LIG1: variants seen among roughly 807,000 people sequenced by gnomAD.
LIG1 encodes ligase I, DNA, ATP-dependent.
In LIG1, 70 loss-of-function variants were observed where a neutral mutation model predicts 115.7. The ratio of observed to expected loss-of-function variants is 0.60; its 90% CI spans 0.50 to 0.74. LIG1 has a LOEUF of 0.74. LIG1 is among the 30% of genes least tolerant of loss of function. The pLI is 0.00. For missense variants in LIG1, 1,115 were observed against 1,225.6 expected, an observed-to-expected ratio of 0.91 and a Z score of 1.35; for synonymous variants, 487 against 495.3, an observed-to-expected ratio of 0.98 and a Z score of 0.22.
chr19:48,117,893 A>G (rs2032976088), intron 25 of LIG1, 112 bp from the exon 26 acceptor site: 1 of 1,089,594 alleles, frequency 9.2e-7, no homozygotes, highest in South Asian at 1.3e-5. Context: ...ACCCCCTTGA[A>G]GTAAACAGAA....
At chr19:48,130,827 G>A (rs902415212) in intron 19 of LIG1, among the ~76,000 whole-genome samples, 7 of 152,240 alleles carry the variant, frequency 4.6e-5, no homozygotes, top group African/African-American at 9.6e-5. Context: ...TAGAGGTAGC[G>A]ATAAGCTTGG....
At chr19:48,127,850 G>C (rs757356578) in intron 20 of LIG1, 60 bp downstream of exon 20, 16 of 1,384,736 alleles carry the variant, frequency 1.2e-5, no homozygotes, top group Non-Finnish European at 1.4e-5. Flanking sequence ...CCACAGCCAG[G>C]ACTGGGTGGA....
At chr19:48,169,194 G>A (rs1162620466) in intron 1 of LIG1, among the ~76,000 whole-genome samples, 1 of 152,152 alleles carries the variant, frequency 6.6e-6, no homozygotes, top group African/African-American at 2.4e-5. Context: ...CGGTTGCCAG[G>A]GGCCTGGGGA....
intron 11 of LIG1, among the ~76,000 whole-genome samples, chr19:48,141,306 A>G (rs1424152005): frequency 6.6e-6 from 1 of 151,930 alleles, no homozygotes; most frequent in African/African-American, 2.4e-5. Context: ...ATTTTTTTTA[A>G]TTTTTAGTAG....
chr19:48,127,494 AG>A, intron 20 of LIG1, 146 bp from the exon 21 acceptor site: 1 of 737,536 alleles, frequency 1.4e-6, no homozygotes, highest in Non-Finnish European at 2.4e-6. Flanking sequence ...TGCTGGCTCC[AG>A]GTGCTGGATC....
At chr19:48,165,926 G>A (rs1371955171) in intron 1 of LIG1, among the ~76,000 whole-genome samples, 1 of 152,126 alleles carries the variant, frequency 6.6e-6, no homozygotes, top group Non-Finnish European at 1.5e-5. Context: ...TAAGTTTAAA[G>A]GTTAGTGAAA....
At chr19:48,159,916 A>G (rs1433723715) in intron 4 of LIG1, among the ~76,000 whole-genome samples, 3 of 152,038 alleles carry the variant, frequency 2.0e-5, no homozygotes, top group African/African-American at 7.3e-5. Flanking sequence ...ACATGGTTTC[A>G]CCATGTTAGC....
At position 48,157,188 on chromosome 19, in the gene LIG1, T is replaced by C. The variant is rs274862; in HGVS notation, c.244-48A>G. 0.37 allele frequency: 570,058 copies of C among 1,559,420 alleles called. 109,038 individuals are homozygous for C. The highest frequency in any genetic ancestry group is 0.56 in the East Asian group (24,289 of 43,204). On this transcript the variant is annotated intron_variant, in intron 4 of 27. Coordinates refer to ENST00000263274, the MANE Select transcript of LIG1 (RefSeq NM_000234.3). Reference sequence around the variant, plus strand: ...TAGAGTGAGCGGGGGAAGGAGGGACTCCATTTTCCAAAAGTTGAGAGTAGA... The same window carrying C: ...TAGAGTGAGCGGGGGAAGGAGGGACCCCATTTTCCAAAAGTTGAGAGTAGA...
rs3729512 is a variant in LIG1, at chr19:48,119,118, C to T, written c.2439+19G>A. The stretch of plus-strand genomic sequence containing the variant: ...GGGGGGAGAGGGGTGGAGGCTGAGG[C>T]GCAGCCGCCATGGCTCACCTTGAGG... On this transcript the variant is annotated intron_variant, in intron 25 of 27. Transcript: ENST00000263274. The T allele has an allele frequency of 0.12, 185,716 of 1,562,666 alleles. 12,044 individuals are homozygous for T. Among genetic ancestry groups the T allele is most frequent in the African/African-American group, 0.26 (18,914 of 73,378 alleles).
Position 48,140,009 on chromosome 19 carries a change from C to G in LIG1, c.1049G>C (p.Gly350Ala). The G allele has an allele frequency of 6.2e-7, 1 of 1,614,146 alleles. No individual in the cohort carries two copies. Among genetic ancestry groups the G allele is most frequent in the African/African-American group, 1.3e-5 (1 of 75,048 alleles). ...CACTGCCTTGAGAAGGACACCATCACCCACGCCAAGCTCCAGGCCCTGCTG... is the reference window on the plus strand; with the variant it reads ...CACTGCCTTGAGAAGGACACCATCAGCCACGCCAAGCTCCAGGCCCTGCTG... ...PPQQGLELGV[G>A]DGVLLKAVAQ... The change falls in exon 12 of 28, where the codon GGT (glycine) becomes GCT (alanine). Residue 350 changes from glycine (G) to alanine (A), a missense_variant. Transcript: ENST00000263274.
chr19:48,141,450 A>G (rs2034749855), intron 11 of LIG1, among the ~76,000 whole-genome samples: 1 of 152,168 alleles, frequency 6.6e-6, no homozygotes, highest in Non-Finnish European at 1.5e-5. Context: ...CTTTTAACTC[A>G]TAGAATCTTC....
intron 11 of LIG1, among the ~76,000 whole-genome samples, chr19:48,140,997 G>A (rs749951039): frequency 2.4e-4 from 37 of 152,214 alleles, no homozygotes; most frequent in Admixed American, 5.2e-4. Context: ...TCTAGGCAGC[G>A]GGCAAGGTGA....
intron 5 of LIG1, among the ~76,000 whole-genome samples, chr19:48,154,836 AC>A (rs1489911278): frequency 1.3e-5 from 2 of 151,418 alleles, no homozygotes; most frequent in East Asian, 2.0e-4. Context: ...CCTGCTCAAA[AC>A]CCTTCCATGA....
At chr19:48,164,064 G>A (rs767413063) in intron 2 of LIG1, among the ~76,000 whole-genome samples, 40 of 151,930 alleles carry the variant, frequency 2.6e-4, no homozygotes, top group Non-Finnish European at 3.8e-4. Context: ...GTATCTCAGT[G>A]GTGAGAAACG....
chr19:48,143,518 C>T lies in LIG1; in HGVS notation c.914+25G>A, dbSNP rs3730936. ...CAGACCCAGAAGCGACCCCGCCCCC[C>T]ACCCAGGCAGTCCTCATTAGTTACC... is the stretch of plus-strand genomic sequence containing the variant. On this transcript the variant is annotated intron_variant, in intron 11 of 27. Transcript: ENST00000263274. The T allele has an allele frequency of 9.9e-5, 59 of 593,966 alleles. 1 individual carries two copies. Among genetic ancestry groups the T allele is most frequent in the Non-Finnish European group, 1.8e-4 (56 of 315,162 alleles). The allele number at this position is 593,966 out of a possible 1,614,324, so 36.8% of individuals were successfully genotyped here. A position where few individuals can be genotyped will look rare whatever the true frequency, so the allele number is the denominator to read the frequency against.
chr19:48,123,324 G>C lies in LIG1; in HGVS notation c.2005-6C>G. ...AGGGGCTCACGTACCAGGGACTGCA[G>C]GGCCGGCAGGGAGAAGAGAGATGAG... On this transcript the variant is annotated splice_region_variant and splice_polypyrimidine_tract_variant and intron_variant, in intron 21 of 27. Coordinates refer to ENST00000263274, the MANE Select transcript of LIG1 (RefSeq NM_000234.3). The C allele has an allele frequency of 6.2e-7, 1 of 1,612,724 alleles. No individual in the cohort carries two copies.
chr19:48,116,666 C>T (rs537002210), intron 26 of LIG1, among the ~76,000 whole-genome samples: 1 of 152,178 alleles, frequency 6.6e-6, no homozygotes, highest in East Asian at 1.9e-4. Context: ...ATGTTTGTGT[C>T]ACTACGTCTT....
At chr19:48,153,738 TCACACACACA>T (rs10625177) in intron 6 of LIG1, 124 bp downstream of exon 6, 36 of 415,812 alleles carry the variant, frequency 8.7e-5, no homozygotes, top group African/African-American at 3.8e-4. Flanking sequence ...CCTCTTGGCT[TCACACACACA>T]CACACACACA....
chr19:48,132,053 C>T (rs2034060366), intron 18 of LIG1, among the ~76,000 whole-genome samples: 1 of 151,726 alleles, frequency 6.6e-6, no homozygotes, highest in Admixed American at 6.6e-5. Flanking sequence ...ATTCTCCTGC[C>T]TCAGCCTCCC....
Sources: allele counts gnomAD v4.1 joint callset (sites outside exome capture counted in the v4.1 genomes callset), GRCh38; gene constraint gnomAD v4.1.1; transcripts MANE v1.5; gene names NCBI Gene and HGNC (gene_info 2026-07-23, HGNC 2026-07-21).